SYCP1: variants seen among roughly 807,000 people sequenced by gnomAD.
SYCP1 encodes the protein cancer/testis antigen 8.
In SYCP1, 64 loss-of-function variants were observed where a neutral mutation model predicts 153.1. The observed-to-expected ratio is 0.42, with a 90% CI of 0.34 to 0.51. The LOEUF (loss-of-function observed/expected upper bound fraction) is 0.51, where lower values mean the gene tolerates loss of function less well. Ranked by LOEUF, SYCP1 falls within the 20% of genes least tolerant of loss-of-function variation. SYCP1 has a pLI of 0.06. For missense variants in SYCP1, 997 were observed against 1,049.0 expected, an observed-to-expected ratio of 0.95 and a Z score of 0.68; for synonymous variants, 384 against 341.8, an observed-to-expected ratio of 1.12 and a Z score of -1.36.
chr1:114,964,146 T>C (rs1288008583), intron 27 of SYCP1, among the ~76,000 whole-genome samples: 1 of 152,196 alleles, frequency 6.6e-6, no homozygotes, highest in African/African-American at 2.4e-5. Flanking sequence ...TTTTTTTTCA[T>C]GTTTGTTGGC....
intron 8 of SYCP1, among the ~76,000 whole-genome samples, chr1:114,871,422 C>T (rs1049588984): frequency 1.3e-5 from 2 of 152,082 alleles, no homozygotes; most frequent in African/African-American, 4.8e-5. Flanking sequence ...CCCTCCTCCA[C>T]CTCCCAAAGT....
At chr1:114,956,105 G>A (rs6696121) in intron 27 of SYCP1, among the ~76,000 whole-genome samples, 9,264 of 152,284 alleles carry the variant, frequency 0.061, 321 homozygotes, top group Middle Eastern at 0.14. Context: ...CCTCGCAGCT[G>A]AGGAGTCTAA....
chr1:114,932,776 T>C (rs1028963452), intron 23 of SYCP1, among the ~76,000 whole-genome samples: 5 of 152,120 alleles, frequency 3.3e-5, no homozygotes, highest in African/African-American at 1.2e-4. Context: ...GCTGGGAGGG[T>C]CCCACGCCCA....
chr1:114,977,251 C>T (rs1672854646), intron 27 of SYCP1, among the ~76,000 whole-genome samples: 1 of 151,638 alleles, frequency 6.6e-6, no homozygotes, highest in Non-Finnish European at 1.5e-5. Context: ...ATCTCTCATT[C>T]TGTAATTTGT....
intron 20 of SYCP1, among the ~76,000 whole-genome samples, chr1:114,920,604 G>T (rs1011120538): frequency 1.3e-5 from 2 of 151,990 alleles, no homozygotes; most frequent in African/African-American, 4.8e-5. Context: ...TATTTTACTG[G>T]AACCTATCTC....
chr1:114,932,665 T>C lies in SYCP1; in HGVS notation c.1926+6102T>C, dbSNP rs191549783. On this transcript the variant is annotated intron_variant, in intron 23 of 31. Coordinates refer to ENST00000369522, the MANE Select transcript of SYCP1 (RefSeq NM_003176.4). ...TCCCTTTCCTAACCAAGAGAAGCCG[T>C]GACTGATGGTACCAGGAAAATTGGG... Among the ~76,000 whole-genome samples, 17 of 152,298 alleles carry C rather than the reference T, an allele frequency of 1.1e-4. No homozygotes were observed. The East Asian group carries it at 3.1e-3, about 28-fold the overall frequency.
At chr1:114,866,140 A>G (rs913559127) in intron 8 of SYCP1, among the ~76,000 whole-genome samples, 2 of 152,198 alleles carry the variant, frequency 1.3e-5, no homozygotes, top group Admixed American at 6.5e-5. Context: ...AAGCTGCTAT[A>G]AATATCCATG....
chr1:114,929,725 A>G (rs2101753811), intron 23 of SYCP1, among the ~76,000 whole-genome samples: 1 of 152,076 alleles, frequency 6.6e-6, no homozygotes, highest in East Asian at 1.9e-4. Context: ...AAATGAAGCA[A>G]AAACTTGATA....
chr1:114,880,305 C>T (rs1665832984), intron 12 of SYCP1, among the ~76,000 whole-genome samples: 1 of 152,188 alleles, frequency 6.6e-6, no homozygotes, highest in South Asian at 2.1e-4. Context: ...TTCCCTTCTT[C>T]CTGCAGCTTC....
chr1:114,907,408 G>C (rs549194903), intron 16 of SYCP1, among the ~76,000 whole-genome samples: 1 of 151,964 alleles, frequency 6.6e-6, no homozygotes, highest in South Asian at 2.1e-4. Flanking sequence ...TAAACTCTCT[G>C]CCTTCTTTTG....
At chr1:114,979,203 G>A (rs1257742554) in intron 28 of SYCP1, among the ~76,000 whole-genome samples, 3 of 149,884 alleles carry the variant, frequency 2.0e-5, no homozygotes, top group East Asian at 2.0e-4. Flanking sequence ...TTTACCAAAC[G>A]TTTCTGAGTT....
chr1:114,895,590 C>T, intron 16 of SYCP1, 81 bp downstream of exon 16: 1 of 665,716 alleles, frequency 1.5e-6, no homozygotes, highest in Non-Finnish European at 2.3e-6. Context: ...GACTCTCACA[C>T]TATAGATGTT....
chr1:114,896,183 T>G (rs56016168), intron 16 of SYCP1, among the ~76,000 whole-genome samples: 9,268 of 152,288 alleles, frequency 0.061, 320 homozygotes, highest in Middle Eastern at 0.14. Context: ...AATATAATAT[T>G]GTTTATGATG....
At chr1:114,884,208 A>G (rs768672958) in intron 12 of SYCP1, among the ~76,000 whole-genome samples, 2 of 152,158 alleles carry the variant, frequency 1.3e-5, no homozygotes, top group East Asian at 1.9e-4. Context: ...TACGTTTCCA[A>G]TCATATCTCC....
intron 12 of SYCP1, among the ~76,000 whole-genome samples, chr1:114,883,936 C>A (rs1471477119): frequency 6.6e-6 from 1 of 152,172 alleles, no homozygotes; most frequent in Non-Finnish European, 1.5e-5. Context: ...CATGATCCAC[C>A]CGCCTCGGCC....
chr1:114,872,008 T>TC (rs1307513020), intron 8 of SYCP1, among the ~76,000 whole-genome samples: 1 of 144,822 alleles, frequency 6.9e-6, no homozygotes, highest in Non-Finnish European at 1.5e-5. Context: ...TTCTTTTTCT[T>TC]TTTTTTTTTT....
Position 114,883,882 on chromosome 1 carries a change from G to A in SYCP1, c.911-1653G>A, listed in dbSNP as rs575890134. 1.4e-4 allele frequency among the ~76,000 whole-genome samples: 21 copies of A among 151,934 alleles called. No individual in the cohort carries two copies. The South Asian group carries it at 3.7e-3, about 27-fold the overall frequency. Reference sequence around the variant, plus strand: ...TAATTTTTGTATTTTTAGTAGAGACGGGGTTTCACCATGTTGGCCAGGATG... The same window carrying A: ...TAATTTTTGTATTTTTAGTAGAGACAGGGTTTCACCATGTTGGCCAGGATG... On this transcript the variant is annotated intron_variant, in intron 12 of 31. Coordinates refer to ENST00000369522, the MANE Select transcript of SYCP1 (RefSeq NM_003176.4).
At chr1:114,983,758 G>A (rs1673320201) in intron 29 of SYCP1, among the ~76,000 whole-genome samples, 1 of 151,934 alleles carries the variant, frequency 6.6e-6, no homozygotes, top group Non-Finnish European at 1.5e-5. Flanking sequence ...CCAGGTGGCT[G>A]CAAGCCTTTG....
intron 12 of SYCP1, among the ~76,000 whole-genome samples, chr1:114,881,414 T>A (rs1665916335): frequency 6.6e-6 from 1 of 152,234 alleles, no homozygotes; most frequent in African/African-American, 2.4e-5. Flanking sequence ...TTCTCATCCA[T>A]AAAGGATATG....
Sources: allele counts gnomAD v4.1 joint callset (sites outside exome capture counted in the v4.1 genomes callset), GRCh38; gene constraint gnomAD v4.1.1; transcripts MANE v1.5; gene names NCBI Gene and HGNC (gene_info 2026-07-23, HGNC 2026-07-21).